The following SGCD variants were observed in gnomAD, a reference collection of about 807,000 sequenced individuals.
SGCD encodes delta-sarcoglycan.
SGCD carries 18 observed loss-of-function variants against 36.6 expected under a neutral mutation model. The ratio of observed to expected loss-of-function variants is 0.49; its 90% CI spans 0.34 to 0.73. SGCD has a LOEUF of 0.73. Among genes scored for constraint, SGCD ranks in the 30% least tolerant of loss-of-function variants. The probability of loss-of-function intolerance (pLI) is 0.01; values close to 1 mark genes in which losing one functional copy is unlikely to be tolerated. For missense variants in SGCD, 387 were observed against 346.7 expected (o/e 1.12, Z -0.92); for synonymous variants, 133 against 130.6 (o/e 1.02, Z -0.12).
intron 1 of SGCD, among the ~76,000 whole-genome samples, chr5:155,936,906 G>T (rs1757216542): frequency 6.6e-6 from 1 of 152,204 alleles, no homozygotes; most frequent in South Asian, 2.1e-4. Flanking sequence ...GCGGCAGGAG[G>T]CTGCCATGTC....
intron 1 of SGCD, among the ~76,000 whole-genome samples, chr5:156,117,236 GC>G (rs1761926649): frequency 6.6e-6 from 1 of 151,894 alleles, no homozygotes; most frequent in African/African-American, 2.4e-5. Flanking sequence ...ACACATTGTT[GC>G]CCATATTACT....
chr5:155,832,268 G>T, the SGCD span, among the ~76,000 whole-genome samples: 1 of 152,228 alleles, frequency 6.6e-6, no homozygotes, highest in Admixed American at 6.5e-5. Flanking sequence ...ATCTAGACTG[G>T]ATGACCTCTA....
chr5:155,806,380 C>G, the SGCD span, among the ~76,000 whole-genome samples: 5 of 152,146 alleles, frequency 3.3e-5, no homozygotes, highest in Admixed American at 3.3e-4. Context: ...GTCTTGAACT[C>G]CTGACCTCGT....
Position 156,517,314 on chromosome 5 carries a change from C to A in SGCD, c.294+8612C>A, listed in dbSNP as rs535788303. ...AGAAAAAAGAATGAAATGGAATGAACAAAGCTGCCATGAACTATAGGATTA... is the reference window on the plus strand; with the variant it reads ...AGAAAAAAGAATGAAATGGAATGAAAAAAGCTGCCATGAACTATAGGATTA... On this transcript the variant is annotated intron_variant, in intron 4 of 8. Coordinates refer to ENST00000337851, the MANE Select transcript of SGCD (RefSeq NM_000337.6). Among the ~76,000 whole-genome samples the A allele has an allele frequency of 2.4e-4, 37 of 152,172 alleles. No individual in the cohort carries two copies. In the South Asian group the frequency reaches 4.6e-3, roughly 19 times the overall value.
chr5:156,269,665 A>G (rs998753696), intron 3 of SGCD, among the ~76,000 whole-genome samples: 1 of 152,020 alleles, frequency 6.6e-6, no homozygotes, highest in South Asian at 2.1e-4. Context: ...GACACAGCCA[A>G]ACCTTATCAG....
chr5:156,453,942 C>G (rs1221588203), intron 3 of SGCD, among the ~76,000 whole-genome samples: 2 of 152,138 alleles, frequency 1.3e-5, no homozygotes, highest in Non-Finnish European at 2.9e-5. Flanking sequence ...CCAGCAGTTG[C>G]TTGGGGCCAA....
chr5:155,955,724 C>G (rs764478393), intron 1 of SGCD, among the ~76,000 whole-genome samples: 2 of 151,896 alleles, frequency 1.3e-5, no homozygotes, highest in Admixed American at 6.6e-5. Context: ...CTCTGATATA[C>G]CAATACTTTG....
chr5:155,825,241 C>T, the SGCD span, among the ~76,000 whole-genome samples: 2 of 152,080 alleles, frequency 1.3e-5, no homozygotes, highest in African/African-American at 2.4e-5. Flanking sequence ...AAAAGAAAAG[C>T]GGACTTCCTC....
At chr5:156,563,796 T>C (rs1759367437) in intron 4 of SGCD, among the ~76,000 whole-genome samples, 4 of 152,200 alleles carry the variant, frequency 2.6e-5, no homozygotes, top group Admixed American at 2.6e-4. Context: ...ACTCAGTCTC[T>C]TTCCTACCTG....
chr5:156,268,889 C>T (rs1766076587), intron 3 of SGCD, among the ~76,000 whole-genome samples: 1 of 152,116 alleles, frequency 6.6e-6, no homozygotes, highest in Non-Finnish European at 1.5e-5. Context: ...CCACTGTGCC[C>T]AGTCAGATTT....
At chr5:156,453,627 T>A (rs895369683) in intron 3 of SGCD, among the ~76,000 whole-genome samples, 1 of 152,172 alleles carries the variant, frequency 6.6e-6, no homozygotes, top group African/African-American at 2.4e-5. Flanking sequence ...AGGGCGGTAC[T>A]CTCAAAGTAG....
At chr5:155,893,162 T>C (rs1357540716) in intron 1 of SGCD, among the ~76,000 whole-genome samples, 1 of 152,102 alleles carries the variant, frequency 6.6e-6, no homozygotes, top group Non-Finnish European at 1.5e-5. Context: ...TTTGAGATCC[T>C]GGATATGCCT....
At chr5:156,711,371 T>C (rs1452243858) in intron 7 of SGCD, among the ~76,000 whole-genome samples, 1 of 152,214 alleles carries the variant, frequency 6.6e-6, no homozygotes, top group Non-Finnish European at 1.5e-5. Context: ...GGCTTACTAC[T>C]AAGTTCCTGC....
In SGCD at chr5:156,682,549, G is replaced by A. The variant is rs575941682; in HGVS notation, c.575+35013G>A. Among the ~76,000 whole-genome samples, 25 of 152,266 alleles carry A rather than the reference G, an allele frequency of 1.6e-4. 1 individual carries two copies. In the East Asian group the frequency reaches 4.6e-3, roughly 28 times the overall value. On this transcript the variant is annotated intron_variant, in intron 7 of 8. Transcript: ENST00000337851. Reference sequence around the variant, plus strand: ...TGCAAAAGTCTGTTCAGCTTCTGCCGAAAAGGCAGTATACTTCAGACTTGC... The same window carrying A: ...TGCAAAAGTCTGTTCAGCTTCTGCCAAAAAGGCAGTATACTTCAGACTTGC...
rs542843858 is a variant in SGCD at position 156,122,535 on chromosome 5, A to G, written c.-207-1321A>G. On this transcript the variant is annotated intron_variant, in intron 2 of 9. Transcript: ENST00000517913. The stretch of plus-strand genomic sequence containing the variant: ...CCCAGGTAGAGGGAATGATGAGTTC[A>G]AAGGCTCCTAATAGAATCAGAGGTG... 7.9e-5 allele frequency among the ~76,000 whole-genome samples: 12 copies of G among 152,190 alleles called. No individual in the cohort carries two copies. The South Asian group carries it at 2.3e-3, about 29-fold the overall frequency.
chr5:156,280,823 C>G (rs1766435234), intron 3 of SGCD, among the ~76,000 whole-genome samples: 1 of 152,114 alleles, frequency 6.6e-6, no homozygotes, highest in Admixed American at 6.6e-5. Flanking sequence ...CAATTTCTAC[C>G]CATTTTTCCT....
At chr5:156,030,184 T>C (rs1363200117) in intron 1 of SGCD, among the ~76,000 whole-genome samples, 2 of 152,218 alleles carry the variant, frequency 1.3e-5, no homozygotes, top group Non-Finnish European at 2.9e-5. Context: ...TGATATGTAA[T>C]ATATGCAAAT....
At chr5:156,224,626 A>T (rs1764802810) in intron 3 of SGCD, among the ~76,000 whole-genome samples, 1 of 152,162 alleles carries the variant, frequency 6.6e-6, no homozygotes, top group Non-Finnish European at 1.5e-5. Flanking sequence ...AACCAAAGAA[A>T]GAACTGTGTG....
intron 1 of SGCD, among the ~76,000 whole-genome samples, chr5:155,968,706 G>A (rs899821116): frequency 6.6e-6 from 1 of 151,926 alleles, no homozygotes. Context: ...CTCAGATAAG[G>A]GGGGACTGCC....
Sources: gnomAD v4.1 joint callset for allele counts (sites outside exome capture counted in the v4.1 genomes callset) on GRCh38, gnomAD v4.1.1 for gene constraint, MANE v1.5 for transcripts, NCBI Gene and HGNC (gene_info 2026-07-23, HGNC 2026-07-21) for gene names.